The following NAV2 variants were observed in gnomAD, a reference collection of about 807,000 sequenced individuals.
The protein encoded by NAV2 is helicase, APC down-regulated 1.
In NAV2, 54 loss-of-function variants were observed where a neutral mutation model predicts 223.2. The ratio of observed to expected loss-of-function variants is 0.24; its 90% CI spans 0.19 to 0.30. The LOEUF (loss-of-function observed/expected upper bound fraction) is 0.30, where lower values mean the gene tolerates loss of function less well. Ranked by LOEUF, NAV2 falls within the 10% of genes least tolerant of loss-of-function variation. NAV2 has a pLI of 1.00. For synonymous variants in NAV2, 1,279 were observed against 1,239.3 expected (o/e 1.03, Z -0.67); for missense variants, 2,806 against 3,147.5 (o/e 0.89, Z 2.60).
At chr11:19,963,762 G>A (rs953624070) in intron 10 of NAV2, among the ~76,000 whole-genome samples, 6 of 152,196 alleles carry the variant, frequency 3.9e-5, no homozygotes, top group Non-Finnish European at 8.8e-5. Flanking sequence ...CAGTGCTTAT[G>A]CAGAAAGTGA....
intron 1 of NAV2, among the ~76,000 whole-genome samples, chr11:19,627,267 A>C (rs922906063): frequency 1.3e-5 from 2 of 152,156 alleles, no homozygotes; most frequent in African/African-American, 2.4e-5. Context: ...GTGTGCCTGT[A>C]ATCCCAGGTA....
exon 1 of NAV2, chr11:19,350,756 C>A: frequency 1.7e-6 from 1 of 594,576 alleles, no homozygotes; most frequent in Non-Finnish European, 3.0e-6. Flanking sequence ...ACCCTCATTG[C>A]AAAGGCAGTG....
At chr11:19,859,293 C>T (rs1038618451) in intron 3 of NAV2, among the ~76,000 whole-genome samples, 4 of 149,384 alleles carry the variant, frequency 2.7e-5, no homozygotes, top group East Asian at 4.0e-4. Context: ...TGCGGCCTTC[C>T]GCAGTGTTTG....
At chr11:20,010,364 A>G (rs1375140100) in intron 11 of NAV2, among the ~76,000 whole-genome samples, 1 of 152,148 alleles carries the variant, frequency 6.6e-6, no homozygotes, top group Non-Finnish European at 1.5e-5. Context: ...TGCAAAGGAG[A>G]ACACTTAGGT....
chr11:19,735,750 G>T (rs892592927), intron 1 of NAV2, among the ~76,000 whole-genome samples: 1 of 152,174 alleles, frequency 6.6e-6, no homozygotes, highest in Non-Finnish European at 1.5e-5. Flanking sequence ...AGAGCCATCT[G>T]GTGGGTGCTT....
Position 20,121,215 on chromosome 11 carries a change from A to G in NAV2, c.*2957A>G, listed in dbSNP as rs1413392711. ...AATAATCCAACTTTGTGGATATTAA[A>G]TGGAAGGTTTGCTGTTTTGATCTAG... On this transcript the variant is annotated 3_prime_UTR_variant, in exon 38 of 38. Transcript: ENST00000349880. 6.6e-6 allele frequency: 1 copy of G among 152,642 alleles called. No individual in the cohort carries two copies. The highest frequency in any genetic ancestry group is 1.9e-4 in the East Asian group (1 of 5,198). The allele number at this position is 152,642 out of a possible 1,614,324, so 9.5% of individuals were successfully genotyped here.
At chr11:20,055,028 A>G (rs1322619726) in intron 18 of NAV2, among the ~76,000 whole-genome samples, 1 of 152,250 alleles carries the variant, frequency 6.6e-6, no homozygotes, top group Non-Finnish European at 1.5e-5. Flanking sequence ...GTAGGAGCTG[A>G]GCCTTGAAGG....
At chr11:19,834,797 G>A (rs2060143809) in intron 2 of NAV2, among the ~76,000 whole-genome samples, 1 of 152,224 alleles carries the variant, frequency 6.6e-6, no homozygotes, top group South Asian at 2.1e-4. Flanking sequence ...CCTCCTGACT[G>A]TGGGATCAGC....
At chr11:19,531,234 A>C (rs1442973982) in intron 1 of NAV2, among the ~76,000 whole-genome samples, 1 of 152,190 alleles carries the variant, frequency 6.6e-6, no homozygotes, top group Non-Finnish European at 1.5e-5. Context: ...ATAGACATGG[A>C]AAGAAAGAAA....
chr11:20,060,489 T>C (rs2058633118), intron 19 of NAV2, among the ~76,000 whole-genome samples: 2 of 152,198 alleles, frequency 1.3e-5, no homozygotes, highest in South Asian at 4.1e-4. Flanking sequence ...AGATTAGTCA[T>C]GGATGAAGAA....
chr11:19,443,624 T>C (rs1246115208), intron 1 of NAV2, among the ~76,000 whole-genome samples: 3 of 152,198 alleles, frequency 2.0e-5, no homozygotes, highest in African/African-American at 7.2e-5. Flanking sequence ...CTCTCCTCTT[T>C]CTCACTGTCC....
intron 1 of NAV2, among the ~76,000 whole-genome samples, chr11:19,642,358 C>T (rs977672910): frequency 6.6e-6 from 1 of 152,208 alleles, no homozygotes; most frequent in African/African-American, 2.4e-5. Context: ...GGAAATCTTC[C>T]TCCCTGGAGA....
intron 1 of NAV2, among the ~76,000 whole-genome samples, chr11:19,490,876 G>T (rs895989546): frequency 6.6e-6 from 1 of 152,118 alleles, no homozygotes; most frequent in South Asian, 2.1e-4. Context: ...AAATAATAAG[G>T]CTTCAAAGTT....
intron 1 of NAV2, among the ~76,000 whole-genome samples, chr11:19,537,484 C>T (rs1215560338): frequency 6.6e-6 from 1 of 152,214 alleles, no homozygotes; most frequent in Non-Finnish European, 1.5e-5. Flanking sequence ...CCCAAGTCTA[C>T]CAAGACCCCT....
At chr11:19,716,048 T>C (rs1043364915) in intron 1 of NAV2, among the ~76,000 whole-genome samples, 1 of 146,866 alleles carries the variant, frequency 6.8e-6, no homozygotes, top group Non-Finnish European at 1.5e-5. Context: ...CCTGATAGGG[T>C]ACCCATTCCC....
chr11:20,035,908 G>A (rs1254197005), intron 11 of NAV2, 51 bp from the exon 12 acceptor site: 1 of 1,610,502 alleles, frequency 6.2e-7, no homozygotes, highest in East Asian at 2.2e-5. Context: ...ATCAGCCTGA[G>A]CTGGAACAGC....
intron 1 of NAV2, among the ~76,000 whole-genome samples, chr11:19,377,732 GC>G (rs2133902274): frequency 6.6e-6 from 1 of 152,246 alleles, no homozygotes; most frequent in East Asian, 1.9e-4. Context: ...GACTCTCAAG[GC>G]CCTGGGAGGT....
intron 1 of NAV2, among the ~76,000 whole-genome samples, chr11:19,766,744 G>A (rs921470140): frequency 4.6e-5 from 7 of 152,174 alleles, no homozygotes; most frequent in Admixed American, 3.9e-4. Context: ...ACTTGGGAAT[G>A]GCAACTAGAG....
chr11:19,826,506 G>C (rs1215101837), intron 1 of NAV2, among the ~76,000 whole-genome samples: 2 of 152,162 alleles, frequency 1.3e-5, no homozygotes, highest in Admixed American at 6.5e-5. Flanking sequence ...GTACCCCTTG[G>C]AAGAATGATT....
Sources: gnomAD v4.1 joint callset for allele counts (sites outside exome capture counted in the v4.1 genomes callset) on GRCh38, gnomAD v4.1.1 for gene constraint, MANE v1.5 for transcripts, NCBI Gene and HGNC (gene_info 2026-07-23, HGNC 2026-07-21) for gene names.